Variants in PIK3R2 observed in about 807,000 individuals in gnomAD.
PIK3R2 encodes the protein phosphoinositide-3-kinase regulatory subunit 2.
A neutral mutation model predicts 78.5 loss-of-function variants in PIK3R2; 40 were observed. The observed-to-expected ratio is 0.51, with a 90% confidence interval of 0.40 to 0.66. PIK3R2 has a LOEUF of 0.66. PIK3R2 is among the 30% of genes least tolerant of loss of function. PIK3R2 has a pLI of 0.00. For missense variants in PIK3R2, 880 were observed against 1,026.6 expected (o/e 0.86, Z 1.95); for synonymous variants, 473 against 457.7 (o/e 1.03, Z -0.43).
rs772803530 is a variant in PIK3R2, at chr19:18,160,957, G to T, written c.454G>T (p.Ala152Ser). 2 of 1,612,290 alleles carry T rather than the reference G, an allele frequency of 1.2e-6. No homozygotes were observed. Among genetic ancestry groups the T allele is most frequent in the Admixed American group, 1.7e-5 (1 of 59,882 alleles). Residue 152 changes from alanine (A) to serine (S), a missense_variant, in exon 4 of 16, where the codon GCA becomes TCA. This residue lies in a region of PIK3R2 where 456 missense variants were observed against 486.6 expected (regional missense o/e 0.94). Transcript: ENST00000222254. ...ATCTCACTACCGCCCGGAGCTGCCC[G>T]CACCGCGTACAGGTGAAGGGGAGCC... ...SESHYRPELPAPRTDWSLSDV... is the reference protein window; with the variant it reads ...SESHYRPELPSPRTDWSLSDV...
rs2043735192 is a variant in PIK3R2, at chr19:18,160,938, C to T, written c.435C>T (p.His145=). The stretch of plus-strand genomic sequence containing the variant: ...CCCCAGGGCTGGACAGCGAATCTCA[C>T]TACCGCCCGGAGCTGCCCGCACCGC... ...IERTGLDSES[H]YRPELPAPRT... The change falls in exon 4 of 16, where the codon CAC becomes CAT. Residue 145 remains histidine, a synonymous_variant. Coordinates refer to ENST00000222254, the MANE Select transcript of PIK3R2 (RefSeq NM_005027.4). 1.2e-6 allele frequency: 2 copies of T among 1,611,522 alleles called. No homozygotes were observed. The highest frequency in any genetic ancestry group is 2.2e-5 in the East Asian group (1 of 44,838).
intron 1 of PIK3R2, among the ~76,000 whole-genome samples, chr19:18,154,353 C>T (rs1394834206): frequency 6.6e-6 from 1 of 152,108 alleles, no homozygotes; most frequent in East Asian, 1.9e-4. Context: ...TCTCCTGGCT[C>T]CCTGTCCCTG....
At position 18,169,249 on chromosome 19, in the gene PIK3R2, C is replaced by A. The variant is rs2147960879; in HGVS notation, c.2142C>A (p.His714Gln). Residue 714 changes from histidine (H) to glutamine (Q), a missense_variant, in exon 16 of 16, where the codon CAC (histidine) becomes CAA (glutamine). Around this residue, in one of 3 missense-constraint regions of PIK3R2, gnomAD observed 268 missense variants for 299.1 expected, o/e 0.90. Coordinates refer to ENST00000222254, the MANE Select transcript of PIK3R2 (RefSeq NM_005027.4). Reference sequence around the variant, plus strand: ...ACGCGCTCACCGTCACCCTGGCGCACCCAGTGCGCGCCCCGGGCCCCGGCC... The same window carrying A: ...ACGCGCTCACCGTCACCCTGGCGCAACCAGTGCGCGCCCCGGGCCCCGGCC... ...HNDALTVTLAHPVRAPGPGPP... is the reference protein window; with the variant it reads ...HNDALTVTLAQPVRAPGPGPP... The A allele has an allele frequency of 2.5e-6, 4 of 1,572,732 alleles. No homozygotes were observed. The highest frequency in any genetic ancestry group is 3.4e-6 in the Non-Finnish European group (4 of 1,167,198).
rs945055008 is a variant in PIK3R2, at chr19:18,161,350, T to A, written c.670T>A (p.Phe224Ile). 3 of 1,321,608 alleles carry A rather than the reference T, an allele frequency of 2.3e-6. No individual in the cohort carries two copies. In the African/African-American group the frequency reaches 4.7e-5, roughly 21 times the overall value. 81.9% of individuals were successfully genotyped at this position (1,321,608 alleles called of 1,614,324 possible). The change falls in exon 6 of 16, where the codon TTC becomes ATC. Residue 224 changes from phenylalanine to isoleucine, a missense_variant. This residue lies in a region of PIK3R2 where 456 missense variants were observed against 486.6 expected (regional missense o/e 0.94). Transcript: ENST00000222254. This position sits in a 1 kb window ranked among gnomAD's most constrained non-coding sequence, Gnocchi z 5.3. ...GCTGCACCGCGCGCTCACGCTGCGCTTCCTGCTCCAGCACCTGGGCCGCGT... is the reference window on the plus strand; with the variant it reads ...GCTGCACCGCGCGCTCACGCTGCGCATCCTGCTCCAGCACCTGGGCCGCGT... Reference protein sequence around the residue: ...LPLHRALTLRFLLQHLGRVAS... With the variant: ...LPLHRALTLRILLQHLGRVAS...
At chr19:18,164,489 A>G (rs1051905809) in intron 11 of PIK3R2, among the ~76,000 whole-genome samples, 8 of 152,192 alleles carry the variant, frequency 5.3e-5, no homozygotes, top group African/African-American at 1.9e-4. Flanking sequence ...AAAAAATAAA[A>G]TAAAAATTAA....
Position 18,163,312 on chromosome 19 carries a change from AG to A in PIK3R2, c.1342del (p.Val448SerfsTer29). On this transcript the variant is annotated frameshift_variant, in exon 11 of 16. Transcript: ENST00000222254. LOFTEE classifies it high-confidence loss of function. Reference protein sequence around the residue: ...DSVEAVGAQLKVYHQQYQDKS... With the variant: ...DSVEAVGAQLXVYHQQYQDKS... ...GTGGAGGCAGTGGGCGCCCAGCTTA[AG>A]GTCTATCACCAGCAGTACCAGGACA... The A allele has an allele frequency of 6.2e-7, 1 of 1,614,078 alleles. No individual in the cohort carries two copies. Among genetic ancestry groups the A allele is most frequent in the Non-Finnish European group, 8.5e-7 (1 of 1,180,002 alleles).
chr19:18,156,168 C>T lies in PIK3R2; in HGVS notation c.289C>T (p.Pro97Ser). Reference sequence around the variant, plus strand: ...TCGCCCACGGGGCCCCCGCCCACTGCCCGCCAGGCCCCGTGATGGGGCCCC... The same window carrying T: ...TCGCCCACGGGGCCCCCGCCCACTGTCCGCCAGGCCCCGTGATGGGGCCCC... ...GPRPRGPRPL[P>S]ARPRDGAPEP... The change falls in exon 2 of 16, where the codon CCC (proline) becomes TCC (serine). Residue 97 changes from proline to serine, a missense_variant. Physicochemically the swap from Pro to Ser is moderately conservative, Grantham distance 74. This residue lies in a region of PIK3R2 where 456 missense variants were observed against 486.6 expected (regional missense o/e 0.94). Coordinates refer to ENST00000222254, the MANE Select transcript of PIK3R2 (RefSeq NM_005027.4). The surrounding 1 kb of genome is among the most constrained non-coding windows in gnomAD (Gnocchi z 4.2). 6.9e-7 allele frequency: 1 copy of T among 1,449,940 alleles called. No homozygotes were observed. The highest frequency in any genetic ancestry group is 9.0e-7 in the Non-Finnish European group (1 of 1,106,200). The allele number at this position is 1,449,940 out of a possible 1,614,324, so 89.8% of individuals were successfully genotyped here. A position where few individuals can be genotyped will look rare whatever the true frequency, so the allele number is the denominator to read the frequency against.
Position 18,155,473 on chromosome 19 carries a change from G to GACGCT in PIK3R2, c.-407_-406insACGCT. On this transcript the variant is annotated 5_prime_UTR_variant, in exon 2 of 16. Coordinates refer to ENST00000222254, the MANE Select transcript of PIK3R2 (RefSeq NM_005027.4). ...TCTCCCTAGGTCGGCGTCCTCAGCT[G>GACGCT]GCCGAGCATGGTGGCAGCCTGCACC... 1 of 410,856 alleles carries GACGCT rather than the reference G, an allele frequency of 2.4e-6. No homozygotes were observed. Among genetic ancestry groups the GACGCT allele is most frequent in the Admixed American group, 4.3e-5 (1 of 23,264 alleles). 25.5% of individuals were successfully genotyped at this position (410,856 alleles called of 1,614,324 possible).
rs2147958070 is a variant in PIK3R2, at chr19:18,167,317, G to A, written c.1736+11G>A. The A allele has an allele frequency of 1.3e-6, 2 of 1,564,132 alleles. No homozygotes were observed. Among genetic ancestry groups the A allele is most frequent in the Non-Finnish European group, 1.7e-6 (2 of 1,153,450 alleles). On this transcript the variant is annotated intron_variant, in intron 13 of 15. Coordinates refer to ENST00000222254, the MANE Select transcript of PIK3R2 (RefSeq NM_005027.4). The surrounding 1 kb of genome is among the most constrained non-coding windows in gnomAD (Gnocchi z 4.5). The stretch of plus-strand genomic sequence containing the variant: ...AGACCAGTACCTCGTGTAAGTGGCG[G>A]CTCCATACTTCCCTGCGGCTCCCTG...
chr19:18,156,158 C>T lies in PIK3R2; in HGVS notation c.279C>T (p.Pro93=). The T allele has an allele frequency of 6.9e-7, 1 of 1,454,734 alleles. No individual in the cohort carries two copies. Among genetic ancestry groups the T allele is most frequent in the Non-Finnish European group, 9.0e-7 (1 of 1,108,398 alleles). The allele number at this position is 1,454,734 out of a possible 1,614,324, so 90.1% of individuals were successfully genotyped here. A position where few individuals can be genotyped will look rare whatever the true frequency, so the allele number is the denominator to read the frequency against. The change falls in exon 2 of 16, where the codon CCC becomes CCT. Residue 93 remains proline, a synonymous_variant. Transcript: ENST00000222254. This position sits in a 1 kb window ranked among gnomAD's most constrained non-coding sequence, Gnocchi z 4.2. Reference sequence around the variant, plus strand: ...GGCCCGGCCCTCGCCCACGGGGCCCCCGCCCACTGCCCGCCAGGCCCCGTG... The same window carrying T: ...GGCCCGGCCCTCGCCCACGGGGCCCTCGCCCACTGCCCGCCAGGCCCCGTG... ...LARPGPRPRG[P]RPLPARPRDG...
chr19:18,155,371 A>C, intron 1 of PIK3R2, 86 bp from the exon 2 acceptor site: 2 of 351,056 alleles, frequency 5.7e-6, no homozygotes, highest in Non-Finnish European at 1.0e-5. Context: ...GATTCAGGGA[A>C]TTCCAAATCA....
In PIK3R2 at chr19:18,169,960, G is replaced by A. The variant is rs538528015; in HGVS notation, c.*666G>A. On this transcript the variant is annotated 3_prime_UTR_variant, in exon 16 of 16. Coordinates refer to ENST00000222254, the MANE Select transcript of PIK3R2 (RefSeq NM_005027.4). ...ACGGTGGCTCATGCCTGTAATCCCA[G>A]CACTTTGGGAGGCCAAGACGGGCGG... The A allele has an allele frequency of 6.1e-5, 11 of 181,668 alleles. No homozygotes were observed. Among genetic ancestry groups the A allele is most frequent in the Non-Finnish European group, 1.1e-4 (9 of 85,144 alleles). 11.3% of individuals were successfully genotyped at this position (181,668 alleles called of 1,614,324 possible). A position where few individuals can be genotyped will look rare whatever the true frequency, so the allele number is the denominator to read the frequency against.
intron 11 of PIK3R2, among the ~76,000 whole-genome samples, chr19:18,165,339 T>C (rs2147955673): frequency 8.5e-6 from 1 of 118,300 alleles, no homozygotes; most frequent in East Asian, 2.7e-4. Context: ...CACTCCATCC[T>C]GGGACAGAGT....
At position 18,156,744 on chromosome 19, in the gene PIK3R2, G is replaced by A. The variant is rs924374150; in HGVS notation, c.322+543G>A. 5.3e-5 allele frequency among the ~76,000 whole-genome samples: 8 copies of A among 152,136 alleles called. No individual in the cohort carries two copies. Among genetic ancestry groups the A allele is most frequent in the Non-Finnish European group, 1.2e-4 (8 of 68,034 alleles). ...GAAGCCACAAGGAGGGTAGGATGTG[G>A]GCTGCTCAGCTGAGGCCACACAGCA... On this transcript the variant is annotated intron_variant, in intron 2 of 15. Transcript: ENST00000222254. The surrounding 1 kb of genome is among the most constrained non-coding windows in gnomAD (Gnocchi z 4.2).
At chr19:18,163,469 A>T (rs187714791) in intron 11 of PIK3R2, 81 bp downstream of exon 11, 1 of 1,472,636 alleles carries the variant, frequency 6.8e-7, no homozygotes, top group Non-Finnish European at 9.4e-7. Flanking sequence ...CCAACCCCAG[A>T]GGACTTGAGG....
chr19:18,160,876 G>A lies in PIK3R2; in HGVS notation c.416-43G>A, dbSNP rs1426528982. The A allele has an allele frequency of 3.2e-6, 5 of 1,581,224 alleles. No homozygotes were observed. The Admixed American group carries it at 7.2e-5, about 23-fold the overall frequency. Reference sequence around the variant, plus strand: ...GCCAGTCCAGGCCTCACGAGGTCGGGGCAGCATTTGAGAGCTGACTCGCCT... The same window carrying A: ...GCCAGTCCAGGCCTCACGAGGTCGGAGCAGCATTTGAGAGCTGACTCGCCT... On this transcript the variant is annotated intron_variant, in intron 3 of 15. Coordinates refer to ENST00000222254, the MANE Select transcript of PIK3R2 (RefSeq NM_005027.4).
intron 1 of PIK3R2, among the ~76,000 whole-genome samples, chr19:18,154,400 T>C (rs1326864425): frequency 6.6e-6 from 1 of 152,150 alleles, no homozygotes; most frequent in African/African-American, 2.4e-5. Flanking sequence ...CCTCCCCATC[T>C]GCATTTTGTG....
In PIK3R2 at chr19:18,161,059, T is replaced by C; in HGVS notation, c.472T>C (p.Ser158Pro). ...PELPAPRTDW[S>P]LSDVDQWDTA... ...GTGCCCCCCTGCACCCGCAGACTGGTCCCTGAGCGACGTGGATCAGTGGGA... is the reference window on the plus strand; with the variant it reads ...GTGCCCCCCTGCACCCGCAGACTGGCCCCTGAGCGACGTGGATCAGTGGGA... The change falls in exon 5 of 16, where the codon TCC becomes CCC. Residue 158 changes from serine (S) to proline (P), a missense_variant. Around this residue, in one of 3 missense-constraint regions of PIK3R2, gnomAD observed 456 missense variants for 486.6 expected, o/e 0.94. Coordinates refer to ENST00000222254, the MANE Select transcript of PIK3R2 (RefSeq NM_005027.4). This position sits in a 1 kb window ranked among gnomAD's most constrained non-coding sequence, Gnocchi z 5.3. The C allele has an allele frequency of 6.2e-7, 1 of 1,611,226 alleles. No individual in the cohort carries two copies. Among genetic ancestry groups the C allele is most frequent in the Non-Finnish European group, 8.5e-7 (1 of 1,179,200 alleles).
intron 2 of PIK3R2, among the ~76,000 whole-genome samples, chr19:18,159,489 T>C (rs1191620158): frequency 6.6e-6 from 1 of 152,076 alleles, no homozygotes; most frequent in African/African-American, 2.4e-5. Context: ...TCACCCAGAC[T>C]GGAGTGCTAT....
Sources: allele counts gnomAD v4.1 joint callset (sites outside exome capture counted in the v4.1 genomes callset), GRCh38; gene constraint gnomAD v4.1.1; regional missense constraint gnomAD v4.1.1; non-coding constraint Gnocchi (gnomAD v3.1); transcripts MANE v1.5; gene names NCBI Gene and HGNC (gene_info 2026-07-23, HGNC 2026-07-21).